EHHADH: variants seen among roughly 807,000 people sequenced by gnomAD.
EHHADH encodes the protein enoyl-CoA hydratase and 3-hydroxyacyl CoA dehydrogenase.
A neutral mutation model predicts 64.4 loss-of-function variants in EHHADH; 48 were observed. That is an observed-to-expected ratio of 0.75 (90% CI 0.59 to 0.95). EHHADH has a LOEUF of 0.95. EHHADH is among the 40% of genes least tolerant of loss of function. EHHADH has a pLI of 0.00. For synonymous variants in EHHADH, 308 were observed against 326.7 expected, an observed-to-expected ratio of 0.94 and a Z score of 0.62; for missense variants, 854 against 876.6, an observed-to-expected ratio of 0.97 and a Z score of 0.33.
rs1259149735 is a variant in EHHADH at position 185,254,004 on chromosome 3, G to T, written c.19C>A (p.Leu7Met). ...CGGATTAGCGCCAAGGCGTTGTGCAGCCGCGTATACTCGGCCATGTTTCCT... is the reference window on the plus strand; with the variant it reads ...CGGATTAGCGCCAAGGCGTTGTGCATCCGCGTATACTCGGCCATGTTTCCT... MAEYTR[L>M]HNALALIRLR... Residue 7 changes from leucine to methionine, a missense_variant, in exon 1 of 7, where the codon CTG (leucine) becomes ATG (methionine). Transcript: ENST00000231887. 6.2e-7 allele frequency: 1 copy of T among 1,614,012 alleles called. No individual in the cohort carries two copies. Among genetic ancestry groups the T allele is most frequent in the Admixed American group, 1.7e-5 (1 of 60,034 alleles).
At chr3:185,252,664 C>G (rs1719782070) in intron 1 of EHHADH, among the ~76,000 whole-genome samples, 2 of 152,048 alleles carry the variant, frequency 1.3e-5, no homozygotes, top group African/African-American at 2.4e-5. Flanking sequence ...GATTTTAGTC[C>G]TGCATTTTTT....
In EHHADH at chr3:185,192,828, G is replaced by C. The variant is rs1165907233; in HGVS notation, c.1570C>G (p.Leu524Val). 1.9e-6 allele frequency: 3 copies of C among 1,613,978 alleles called. No individual in the cohort carries two copies. The African/African-American group carries it at 4.0e-5, about 22-fold the overall frequency. Residue 524 changes from leucine (L) to valine (V), a missense_variant, in exon 7 of 7, where the codon CTT becomes GTT. Transcript: ENST00000231887. ...FKMGPFRVSD[L>V]AGLDVGWKSR... ...TTCCAGCCCACATCCAACCCAGCAA[G>C]ATCAGACACTCTAAAAGGTCCCATT...
At chr3:185,223,609 C>T (rs1156546523) in intron 4 of EHHADH, among the ~76,000 whole-genome samples, 2 of 152,072 alleles carry the variant, frequency 1.3e-5, no homozygotes, top group African/African-American at 4.8e-5. Flanking sequence ...TAGCGAAAAC[C>T]CACCTGGACC....
At chr3:185,227,593 A>C (rs1332912861) in intron 4 of EHHADH, among the ~76,000 whole-genome samples, 1 of 152,154 alleles carries the variant, frequency 6.6e-6, no homozygotes, top group South Asian at 2.1e-4. Flanking sequence ...TGGGAGGCCG[A>C]GGCAGGCAGA....
intron 6 of EHHADH, among the ~76,000 whole-genome samples, chr3:185,196,643 A>G (rs1337167224): frequency 6.6e-6 from 1 of 151,902 alleles, no homozygotes; most frequent in African/African-American, 2.4e-5. Flanking sequence ...TCTGTCTCGA[A>G]AAAAAAGAAT....
chr3:185,238,416 C>CAACAACAAAACAACAAAA (rs1351748997), intron 2 of EHHADH, among the ~76,000 whole-genome samples: 3 of 152,030 alleles, frequency 2.0e-5, no homozygotes, highest in African/African-American at 7.2e-5. Flanking sequence ...TCCTTGCCAA[C>CAACAACAAAACAACAAAA]ATATTGTTGT....
chr3:185,246,774 A>G, intron 2 of EHHADH, among the ~76,000 whole-genome samples: 1 of 151,948 alleles, frequency 6.6e-6, no homozygotes, highest in Non-Finnish European at 1.5e-5. Context: ...CCTTTCTTCT[A>G]CTTGATTAGG....
At chr3:185,217,796 G>A (rs1718727329) in intron 5 of EHHADH, among the ~76,000 whole-genome samples, 1 of 146,098 alleles carries the variant, frequency 6.8e-6, no homozygotes, top group Non-Finnish European at 1.5e-5. Context: ...ACGGAGTCTC[G>A]TTCTGTCGCC....
chr3:185,196,337 T>A (rs1718064197), intron 6 of EHHADH, among the ~76,000 whole-genome samples: 1 of 152,222 alleles, frequency 6.6e-6, no homozygotes, highest in Non-Finnish European at 1.5e-5. Context: ...GCAATTTGAA[T>A]GTTCATCAAC....
chr3:185,190,897 A>T lies in EHHADH; in HGVS notation c.*1329T>A, dbSNP rs1428842273. 1 of 152,256 alleles carries T rather than the reference A, an allele frequency of 6.6e-6. No individual in the cohort carries two copies. The highest frequency in any genetic ancestry group is 1.5e-5 in the Non-Finnish European group (1 of 68,052). 9.4% of individuals were successfully genotyped at this position (152,256 alleles called of 1,614,324 possible). The stretch of plus-strand genomic sequence containing the variant: ...CACCACAATGAAGGATAACATCTTC[A>T]GCCCCATTTATTTACTAACAACTTT... On this transcript the variant is annotated 3_prime_UTR_variant, in exon 7 of 7. Coordinates refer to ENST00000231887, the MANE Select transcript of EHHADH (RefSeq NM_001966.4).
intron 2 of EHHADH, chr3:185,245,377 A>G (rs1719567822): frequency 2.3e-6 from 1 of 438,224 alleles, no homozygotes; most frequent in East Asian, 4.1e-5. Flanking sequence ...TCTTGCTTTT[A>G]ATACAATGGT....
intron 2 of EHHADH, chr3:185,245,896 G>T: frequency 8.4e-7 from 1 of 1,186,090 alleles, no homozygotes; most frequent in Non-Finnish European, 1.3e-6. Context: ...TCATGATGTT[G>T]AACACACAAT....
intron 5 of EHHADH, among the ~76,000 whole-genome samples, chr3:185,212,725 AGTG>A (rs1355090956): frequency 6.6e-6 from 1 of 152,198 alleles, no homozygotes; most frequent in African/African-American, 2.4e-5. Flanking sequence ...ACCACTTTAA[AGTG>A]TATAGTTCAG....
chr3:185,233,765 C>A (rs966276619), intron 3 of EHHADH, among the ~76,000 whole-genome samples: 1 of 152,150 alleles, frequency 6.6e-6, no homozygotes, highest in Non-Finnish European at 1.5e-5. Context: ...CCTGCCTCAG[C>A]CTCCCGAGTA....
In EHHADH at chr3:185,202,991, GA is replaced by G. The variant is rs762837233; in HGVS notation, c.910+1424del. On this transcript the variant is annotated intron_variant, in intron 6 of 6. Coordinates refer to ENST00000231887, the MANE Select transcript of EHHADH (RefSeq NM_001966.4). The stretch of plus-strand genomic sequence containing the variant: ...GGTGGTTGCCAAAGGCCAGGAAGGG[GA>G]GGGGGGGATGGGAGATGAAGGGAAA... 7.4e-5 allele frequency among the ~76,000 whole-genome samples: 11 copies of G among 149,054 alleles called. No individual in the cohort carries two copies. In the South Asian group the frequency reaches 1.3e-3, roughly 18 times the overall value.
chr3:185,192,605 T>C lies in EHHADH; in HGVS notation c.1793A>G (p.Lys598Arg), dbSNP rs1042437. The change falls in exon 7 of 7, where the codon AAA becomes AGA. Residue 598 changes from lysine to arginine, a missense_variant. By Grantham distance (26) the Lys-to-Arg change is conservative. Coordinates refer to ENST00000231887, the MANE Select transcript of EHHADH (RefSeq NM_001966.4). ...GGTTTTTCTATACCGTGATAGGAAT[T>C]TGGAAAGCCAGGGATCAGGTTTGTG... Reference protein sequence around the residue: ...RIHKPDPWLSKFLSRYRKTHH... With the variant: ...RIHKPDPWLSRFLSRYRKTHH... The C allele has an allele frequency of 2.5e-6, 4 of 1,614,210 alleles. No individual in the cohort carries two copies. The highest frequency in any genetic ancestry group is 3.4e-6 in the Non-Finnish European group (4 of 1,180,036).
chr3:185,247,123 A>C (rs1186143110), intron 2 of EHHADH, among the ~76,000 whole-genome samples: 2 of 152,174 alleles, frequency 1.3e-5, no homozygotes, highest in Non-Finnish European at 2.9e-5. Context: ...AGATTTTATA[A>C]TTCAGTATCT....
intron 1 of EHHADH, among the ~76,000 whole-genome samples, chr3:185,251,210 CT>C (rs11359431): frequency 0.66 from 99,320 of 150,348 alleles, 34,811 homozygotes; most frequent in Non-Finnish European, 0.79. Flanking sequence ...AAGGTCTTTC[CT>C]TTTTTTTTTA....
rs1717863164 is a variant in EHHADH at position 185,191,386 on chromosome 3, TA to T, written c.*839del. 1 of 152,248 alleles carries T rather than the reference TA, an allele frequency of 6.6e-6. No individual in the cohort carries two copies. 9.4% of individuals were successfully genotyped at this position (152,248 alleles called of 1,614,324 possible). ...TTGGCCATTATGAATAATTCTGCTA[TA>T]AATATTTGTGTACAAGTTTTTGTAT... On this transcript the variant is annotated 3_prime_UTR_variant, in exon 7 of 7. Transcript: ENST00000231887.
Sources: allele counts gnomAD v4.1 joint callset (sites outside exome capture counted in the v4.1 genomes callset), GRCh38; gene constraint gnomAD v4.1.1; transcripts MANE v1.5; gene names NCBI Gene and HGNC (gene_info 2026-07-23, HGNC 2026-07-21).